Variants in SPAG16 observed in about 807,000 individuals in gnomAD.
SPAG16 encodes the protein sperm associated antigen 16.
In SPAG16, 86 loss-of-function variants were observed where a neutral mutation model predicts 80.4. The ratio of observed to expected loss-of-function variants is 1.07; its 90% confidence interval spans 0.90 to 1.28. SPAG16 has a LOEUF of 1.28. Among genes scored for constraint, SPAG16 ranks in the 50% most tolerant of loss-of-function variants. The probability of loss-of-function intolerance (pLI) is 0.00; values close to 1 mark genes in which losing one functional copy is unlikely to be tolerated. For missense variants in SPAG16, 870 were observed against 765.3 expected (o/e 1.14, Z -1.61); for synonymous variants, 294 against 265.9 (o/e 1.11, Z -1.03).
chr2:213,960,006 A>G (rs773275205), intron 12 of SPAG16, among the ~76,000 whole-genome samples: 4 of 152,136 alleles, frequency 2.6e-5, no homozygotes, highest in Non-Finnish European at 5.9e-5. Context: ...TTTTCCTTAC[A>G]GTATTCCCAC....
At chr2:213,619,989 G>T (rs894076146) in intron 10 of SPAG16, among the ~76,000 whole-genome samples, 2 of 152,072 alleles carry the variant, frequency 1.3e-5, no homozygotes, top group African/African-American at 4.8e-5. Context: ...ACATAAAAAA[G>T]AATGGAATTC....
At chr2:213,845,344 T>A (rs1267006204) in intron 10 of SPAG16, among the ~76,000 whole-genome samples, 2 of 151,852 alleles carry the variant, frequency 1.3e-5, no homozygotes, top group Non-Finnish European at 2.9e-5. Flanking sequence ...ACTGCAGGCA[T>A]CCGCTACCAC....
chr2:213,514,049 A>G (rs1189103424), intron 10 of SPAG16, among the ~76,000 whole-genome samples: 1 of 152,214 alleles, frequency 6.6e-6, no homozygotes, highest in Admixed American at 6.5e-5. Context: ...TATCGTGAGT[A>G]TGACAAAGAA....
intron 12 of SPAG16, among the ~76,000 whole-genome samples, chr2:213,983,497 C>T (rs1323416691): frequency 2.6e-5 from 4 of 151,874 alleles, no homozygotes; most frequent in African/African-American, 9.7e-5. Context: ...GCTTAATGCA[C>T]TCAAAATTTT....
intron 10 of SPAG16, among the ~76,000 whole-genome samples, chr2:213,684,869 G>C (rs1022061119): frequency 1.3e-5 from 2 of 152,174 alleles, no homozygotes; most frequent in African/African-American, 4.8e-5. Flanking sequence ...CAATTTATTG[G>C]GGGAACAACT....
intron 15 of SPAG16, among the ~76,000 whole-genome samples, chr2:214,234,666 T>C (rs1688953354): frequency 6.6e-6 from 1 of 152,164 alleles, no homozygotes; most frequent in South Asian, 2.1e-4. Context: ...TTTCATATGT[T>C]TGTTGGATGC....
At chr2:213,564,816 A>G (rs1034727263) in intron 10 of SPAG16, among the ~76,000 whole-genome samples, 4 of 152,158 alleles carry the variant, frequency 2.6e-5, no homozygotes, top group African/African-American at 7.2e-5. Context: ...CATGTTGTAG[A>G]TTAGGAAACT....
intron 10 of SPAG16, among the ~76,000 whole-genome samples, chr2:213,843,081 G>A (rs2074444420): frequency 6.7e-6 from 1 of 150,296 alleles, no homozygotes; most frequent in African/African-American, 2.4e-5. Flanking sequence ...GAGCCACCGT[G>A]CCTGGCCTTT....
chr2:213,481,346 C>T (rs985266162), intron 9 of SPAG16, among the ~76,000 whole-genome samples: 1 of 152,134 alleles, frequency 6.6e-6, no homozygotes, highest in African/African-American at 2.4e-5. Context: ...ACTTTCTAAA[C>T]CTTAATAGAA....
chr2:214,059,233 T>TATATATATATAC (rs1425340394), intron 13 of SPAG16, among the ~76,000 whole-genome samples: 1 of 119,542 alleles, frequency 8.4e-6, no homozygotes, highest in African/African-American at 3.3e-5. Flanking sequence ...TATATATATA[T>TATATATATATAC]ATATATATGT....
At chr2:214,130,915 T>C (rs1344114836) in intron 14 of SPAG16, among the ~76,000 whole-genome samples, 1 of 152,164 alleles carries the variant, frequency 6.6e-6, no homozygotes, top group African/African-American at 2.4e-5. Context: ...AAATTGTCTT[T>C]AGAGTAGAAA....
intron 10 of SPAG16, among the ~76,000 whole-genome samples, chr2:213,665,449 G>A (rs2063567957): frequency 6.6e-6 from 1 of 152,024 alleles, no homozygotes; most frequent in Non-Finnish European, 1.5e-5. Context: ...CCTATTAAGG[G>A]ACAAGGATAT....
chr2:213,696,256 G>T lies in SPAG16; in HGVS notation c.1071-166229G>T, dbSNP rs1028571788. Among the ~76,000 whole-genome samples the T allele has an allele frequency of 3.3e-5, 5 of 152,284 alleles. No homozygotes were observed. The South Asian group carries it at 6.2e-4, about 19-fold the overall frequency. ...ACAATATTTTTGAGATCAAAATAAA[G>T]TTGCAATCCTGAGTTAAGTTTTATG... On this transcript the variant is annotated intron_variant, in intron 10 of 15. Coordinates refer to ENST00000331683, the MANE Select transcript of SPAG16 (RefSeq NM_024532.5).
intron 15 of SPAG16, among the ~76,000 whole-genome samples, chr2:214,335,525 A>G (rs1303480153): frequency 1.3e-5 from 2 of 151,768 alleles, no homozygotes; most frequent in East Asian, 3.9e-4. Context: ...TTAAGTAAAA[A>G]CTGTACATGA....
intron 10 of SPAG16, among the ~76,000 whole-genome samples, chr2:213,498,679 C>G (rs1559194275): frequency 6.6e-6 from 1 of 152,000 alleles, no homozygotes. Flanking sequence ...TCAATACCAG[C>G]TCTCCTTTTT....
intron 13 of SPAG16, among the ~76,000 whole-genome samples, chr2:214,095,171 A>G (rs1466344439): frequency 2.6e-5 from 4 of 152,056 alleles, no homozygotes; most frequent in African/African-American, 4.8e-5. Flanking sequence ...CATAGCGTTT[A>G]TCAAAGTCCC....
intron 9 of SPAG16, among the ~76,000 whole-genome samples, chr2:213,405,986 G>A (rs1166160395): frequency 6.6e-6 from 1 of 152,084 alleles, no homozygotes; most frequent in East Asian, 1.9e-4. Context: ...CAAAAAAGAG[G>A]TTTACATTTG....
chr2:213,855,827 T>C (rs1388535636), intron 10 of SPAG16, among the ~76,000 whole-genome samples: 1 of 152,172 alleles, frequency 6.6e-6, no homozygotes, highest in Non-Finnish European at 1.5e-5. Context: ...CACCTGGTCC[T>C]GCCCTTGACA....
At chr2:213,681,897 G>C (rs530265693) in intron 10 of SPAG16, among the ~76,000 whole-genome samples, 1 of 152,202 alleles carries the variant, frequency 6.6e-6, no homozygotes, top group African/African-American at 2.4e-5. Context: ...AAGATGTGAA[G>C]TTTTCTTTCT....
Sources: allele counts gnomAD v4.1 joint callset (sites outside exome capture counted in the v4.1 genomes callset), GRCh38; gene constraint gnomAD v4.1.1; transcripts MANE v1.5; gene names NCBI Gene and HGNC (gene_info 2026-07-23, HGNC 2026-07-21).